Variants in TMEM123 observed in about 807,000 individuals in gnomAD.
The protein encoded by TMEM123 is transmembrane protein 123.
TMEM123 carries 16 observed loss-of-function variants against 19.7 expected under a neutral mutation model. The ratio of observed to expected loss-of-function variants is 0.81; its 90% CI spans 0.55 to 1.23. The LOEUF is 1.23. Ranked by LOEUF, TMEM123 falls within the 50% of genes most tolerant of loss-of-function variation. The pLI, the probability that TMEM123 is intolerant of heterozygous loss-of-function variation, is 0.00. For synonymous variants in TMEM123, 118 were observed against 99.4 expected (o/e 1.19, Z -1.12); for missense variants, 313 against 257.8 (o/e 1.21, Z -1.47).
At chr11:102,398,958 T>A in intron 4 of TMEM123, 67 bp from the exon 5 acceptor site, 1 of 1,399,970 alleles carries the variant, frequency 7.1e-7, no homozygotes, top group Non-Finnish European at 1.0e-6. Context: ...TATGTTCCTA[T>A]TTGTTAGTAA....
At chr11:102,399,499 G>C (rs1288760814) in intron 4 of TMEM123, among the ~76,000 whole-genome samples, 2 of 152,208 alleles carry the variant, frequency 1.3e-5, no homozygotes, top group Admixed American at 1.3e-4. Context: ...CCTTAAAAAA[G>C]AATGTTTCTG....
chr11:102,396,729 C>T lies in TMEM123; in HGVS notation c.*2138G>A, dbSNP rs1050541763. 1.3e-5 allele frequency: 2 copies of T among 152,060 alleles called. No individual in the cohort carries two copies. Among genetic ancestry groups the T allele is most frequent in the East Asian group, 1.9e-4 (1 of 5,196 alleles). 9.4% of individuals were successfully genotyped at this position (152,060 alleles called of 1,614,324 possible). On this transcript the variant is annotated 3_prime_UTR_variant, in exon 5 of 5. Coordinates refer to ENST00000398136, the MANE Select transcript of TMEM123 (RefSeq NM_052932.3). ...AACAAAAAAACCTACATTCAAAGTA[C>T]GGGTATTTGAAAGTAACAAATTATA...
intron 2 of TMEM123, among the ~76,000 whole-genome samples, chr11:102,446,305 G>C (rs1857882757): frequency 1.3e-5 from 2 of 152,192 alleles, no homozygotes; most frequent in African/African-American, 4.8e-5. Context: ...TAAGCTGAAA[G>C]TGTGTCAAAC....
chr11:102,452,496 G>C (rs1286879795), intron 1 of TMEM123, 28 bp downstream of exon 1: 11 of 1,452,780 alleles, frequency 7.6e-6, no homozygotes, highest in African/African-American at 2.9e-5. Flanking sequence ...TCCCACGAAC[G>C]GGGCTGACGA....
At chr11:102,441,951 A>C (rs1435627707) in intron 2 of TMEM123, among the ~76,000 whole-genome samples, 1 of 152,238 alleles carries the variant, frequency 6.6e-6, no homozygotes, top group Admixed American at 6.5e-5. Flanking sequence ...GAAAATCTAG[A>C]AGAAATGGAT....
chr11:102,440,941 CAAAG>C (rs1857819429), intron 2 of TMEM123, among the ~76,000 whole-genome samples: 2 of 152,106 alleles, frequency 1.3e-5, no homozygotes, highest in Admixed American at 1.3e-4. Context: ...TCAAAAGAGA[CAAAG>C]AAGGCCATTA....
intron 2 of TMEM123, among the ~76,000 whole-genome samples, chr11:102,412,175 A>G (rs1252247790): frequency 6.6e-6 from 1 of 152,194 alleles, no homozygotes; most frequent in Admixed American, 6.5e-5. Context: ...CATGCCTGTA[A>G]TCCCAGCACT....
intron 2 of TMEM123, among the ~76,000 whole-genome samples, chr11:102,442,352 T>C (rs1314014784): frequency 6.6e-6 from 1 of 152,112 alleles, no homozygotes; most frequent in Non-Finnish European, 1.5e-5. Flanking sequence ...TCCACCACAA[T>C]CAAGTTGGCT....
chr11:102,440,656 C>T (rs1394480183), intron 2 of TMEM123, among the ~76,000 whole-genome samples: 1 of 152,086 alleles, frequency 6.6e-6, no homozygotes, highest in Non-Finnish European at 1.5e-5. Context: ...GAGCAAAATA[C>T]CCAGCTAACA....
chr11:102,439,463 C>A (rs1591565967), intron 2 of TMEM123, among the ~76,000 whole-genome samples: 4 of 152,154 alleles, frequency 2.6e-5, no homozygotes, highest in South Asian at 2.1e-4. Context: ...CAAACTCCAA[C>A]AGACCTGCAG....
intron 2 of TMEM123, among the ~76,000 whole-genome samples, chr11:102,431,521 C>T (rs1457628944): frequency 6.6e-6 from 1 of 152,188 alleles, no homozygotes; most frequent in Non-Finnish European, 1.5e-5. Flanking sequence ...GGCTCTGTAT[C>T]CTTTAACCAT....
At chr11:102,415,036 G>A (rs1952033163) in intron 2 of TMEM123, among the ~76,000 whole-genome samples, 1 of 152,124 alleles carries the variant, frequency 6.6e-6, no homozygotes, top group South Asian at 2.1e-4. Flanking sequence ...AACAACAGAG[G>A]TTGCTATTCT....
intron 2 of TMEM123, among the ~76,000 whole-genome samples, chr11:102,427,881 AAC>A (rs2135855936): frequency 6.6e-6 from 1 of 152,176 alleles, no homozygotes; most frequent in African/African-American, 2.4e-5. Flanking sequence ...TGAAAATGTA[AAC>A]ATTCTACCAG....
chr11:102,448,941 C>T lies in TMEM123; in HGVS notation c.101-73G>A, dbSNP rs544526564. 12 of 1,480,242 alleles carry T rather than the reference C, an allele frequency of 8.1e-6. 1 individual carries two copies. The South Asian group carries it at 1.2e-4, about 15-fold the overall frequency. The allele number at this position is 1,480,242 out of a possible 1,614,324, so 91.7% of individuals were successfully genotyped here. On this transcript the variant is annotated intron_variant, in intron 1 of 4. Transcript: ENST00000398136. The stretch of plus-strand genomic sequence containing the variant: ...AATACTGGCAGTATGTGGTTTTCTG[C>T]CTAGCGGGAGTAGGGGTAGTGGTGT...
At chr11:102,409,213 G>A (rs1231330001) in intron 2 of TMEM123, among the ~76,000 whole-genome samples, 1 of 152,062 alleles carries the variant, frequency 6.6e-6, no homozygotes, top group Non-Finnish European at 1.5e-5. Flanking sequence ...GTTGTCAAAA[G>A]TACTAAGCTA....
Position 102,419,537 on chromosome 11 carries a change from G to A in TMEM123, c.158-17331C>T, listed in dbSNP as rs558716747. 5.9e-5 allele frequency among the ~76,000 whole-genome samples: 9 copies of A among 152,256 alleles called. No homozygotes were observed. The South Asian group carries it at 6.2e-4, about 11-fold the overall frequency. Reference sequence around the variant, plus strand: ...TACCTAAACTCCCCAGGGCAACTGCGTGTCCAGTCTGTTAGACAATGGCTT... The same window carrying A: ...TACCTAAACTCCCCAGGGCAACTGCATGTCCAGTCTGTTAGACAATGGCTT... On this transcript the variant is annotated intron_variant, in intron 2 of 4. Transcript: ENST00000398136.
chr11:102,419,557 T>C (rs1383564099), intron 2 of TMEM123, among the ~76,000 whole-genome samples: 3 of 152,234 alleles, frequency 2.0e-5, no homozygotes, highest in African/African-American at 4.8e-5. Context: ...TGTTAGACAA[T>C]GGCTTTTTAA....
In TMEM123 at chr11:102,396,942, A is replaced by G. The variant is rs2135837867; in HGVS notation, c.*1925T>C. ...GTTCTGACTGACTTGAAGTAGTGAAATACCAAGAATGCAGTGGACAAATTT... is the reference window on the plus strand; with the variant it reads ...GTTCTGACTGACTTGAAGTAGTGAAGTACCAAGAATGCAGTGGACAAATTT... On this transcript the variant is annotated 3_prime_UTR_variant, in exon 5 of 5. Transcript: ENST00000398136. 1 of 152,318 alleles carries G rather than the reference A, an allele frequency of 6.6e-6. No individual in the cohort carries two copies. The highest frequency in any genetic ancestry group is 1.9e-4 in the East Asian group (1 of 5,186). The allele number at this position is 152,318 out of a possible 1,614,324, so 9.4% of individuals were successfully genotyped here.
chr11:102,439,121 C>G (rs556455527), intron 2 of TMEM123, among the ~76,000 whole-genome samples: 2 of 152,272 alleles, frequency 1.3e-5, no homozygotes, highest in African/African-American at 4.8e-5. Context: ...CACCACAGCT[C>G]AAGGAGGCCT....
Sources: gnomAD v4.1 joint callset for allele counts (sites outside exome capture counted in the v4.1 genomes callset) on GRCh38, gnomAD v4.1.1 for gene constraint, MANE v1.5 for transcripts, NCBI Gene and HGNC (gene_info 2026-07-23, HGNC 2026-07-21) for gene names.